The following ROBO1 variants were observed in gnomAD, a reference collection of about 807,000 sequenced individuals.
The protein encoded by ROBO1 is roundabout guidance receptor 1.
A neutral mutation model predicts 195.9 loss-of-function variants in ROBO1; 149 were observed. The ratio of observed to expected loss-of-function variants is 0.76; its 90% confidence interval spans 0.67 to 0.87. The LOEUF (loss-of-function observed/expected upper bound fraction) is 0.87. Ranked by LOEUF, ROBO1 falls within the 40% of genes least tolerant of loss-of-function variation. The pLI is 0.00. For synonymous variants in ROBO1, 816 were observed against 733.2 expected (o/e 1.11, Z -1.82); for missense variants, 1,933 against 2,068.3 (o/e 0.93, Z 1.27).
chr3:79,344,918 T>A (rs2035052717), intron 2 of ROBO1, among the ~76,000 whole-genome samples: 1 of 151,986 alleles, frequency 6.6e-6, no homozygotes, highest in Non-Finnish European at 1.5e-5. Flanking sequence ...TCCTGCACTC[T>A]CACTTTTCTC....
intron 2 of ROBO1, among the ~76,000 whole-genome samples, chr3:79,208,102 G>A (rs2081905039): frequency 6.6e-6 from 1 of 152,124 alleles, no homozygotes; most frequent in Admixed American, 6.6e-5. Flanking sequence ...GATCTTTCTG[G>A]AGTTTGAATA....
intron 4 of ROBO1, among the ~76,000 whole-genome samples, chr3:78,870,787 A>G (rs2035498653): frequency 6.6e-6 from 1 of 152,104 alleles, no homozygotes; most frequent in African/African-American, 2.4e-5. Flanking sequence ...AGCAAGAAAA[A>G]CCATTGAGCA....
At chr3:79,448,184 A>C (rs2039328193) in intron 2 of ROBO1, among the ~76,000 whole-genome samples, 1 of 152,244 alleles carries the variant, frequency 6.6e-6, no homozygotes, top group Admixed American at 6.5e-5. Context: ...ATGCAGGTTT[A>C]AAGTGGCAGG....
intron 2 of ROBO1, among the ~76,000 whole-genome samples, chr3:79,434,072 G>C (rs866251091): frequency 3.3e-4 from 51 of 152,256 alleles, no homozygotes; most frequent in African/African-American, 3.4e-4. Context: ...AATTCAAGAT[G>C]CATTAAAGAC....
chr3:78,618,163 C>T, intron 26 of ROBO1, 122 bp from the exon 27 acceptor site: 1 of 1,025,194 alleles, frequency 9.8e-7, no homozygotes, highest in Non-Finnish European at 1.4e-6. Flanking sequence ...CTCATATGTT[C>T]AGAAAAACAA....
chr3:79,657,225 A>G lies in ROBO1; in HGVS notation c.-50-67264T>C, dbSNP rs535272453. ...CTTCCCACAGAAAATAACCTTTGCC[A>G]AATACTAATATATACATACATAATC... On this transcript the variant is annotated intron_variant, in intron 1 of 30. Transcript: ENST00000464233. 1.3e-4 allele frequency among the ~76,000 whole-genome samples: 20 copies of G among 152,262 alleles called. No individual in the cohort carries two copies. In the East Asian group the frequency reaches 3.9e-3, roughly 29 times the overall value.
chr3:79,380,128 T>A (rs1208178538), intron 2 of ROBO1, among the ~76,000 whole-genome samples: 1 of 152,214 alleles, frequency 6.6e-6, no homozygotes, highest in Non-Finnish European at 1.5e-5. Flanking sequence ...ATGCATCATG[T>A]GATCTCCTTT....
intron 2 of ROBO1, among the ~76,000 whole-genome samples, chr3:79,386,014 C>T (rs1398409846): frequency 2.6e-5 from 4 of 151,936 alleles, no homozygotes; most frequent in Non-Finnish European, 5.9e-5. Flanking sequence ...GGGAAAATAA[C>T]GTAAAATTGT....
chr3:78,999,952 C>T (rs1205038608), intron 3 of ROBO1, among the ~76,000 whole-genome samples: 1 of 152,050 alleles, frequency 6.6e-6, no homozygotes, highest in Non-Finnish European at 1.5e-5. Context: ...GTACATTTTC[C>T]CTTCTTGCAC....
At chr3:79,633,264 CTT>C (rs1358174693) in intron 1 of ROBO1, among the ~76,000 whole-genome samples, 1 of 150,036 alleles carries the variant, frequency 6.7e-6, no homozygotes, top group Admixed American at 6.7e-5. Flanking sequence ...GTCTCAACCT[CTT>C]GGGCTCAGGC....
At chr3:79,568,313 G>A (rs2107735978) in intron 2 of ROBO1, among the ~76,000 whole-genome samples, 1 of 152,096 alleles carries the variant, frequency 6.6e-6, no homozygotes, top group East Asian at 1.9e-4. Context: ...AGGGGCAAAA[G>A]GAAAATTGAT....
intron 3 of ROBO1, among the ~76,000 whole-genome samples, chr3:78,982,690 G>A (rs1453523572): frequency 2.0e-5 from 3 of 151,906 alleles, no homozygotes; most frequent in African/African-American, 7.2e-5. Context: ...GTGTAGTGGC[G>A]TGATCTCGGC....
At position 78,606,644 on chromosome 3, in the gene ROBO1, C is replaced by A. The variant is rs1216155417; in HGVS notation, c.4744+89G>T. The A allele has an allele frequency of 3.0e-6, 4 of 1,335,214 alleles. No individual in the cohort carries two copies. In the African/African-American group the frequency reaches 5.8e-5, roughly 19 times the overall value. 82.7% of individuals were successfully genotyped at this position (1,335,214 alleles called of 1,614,324 possible). A position where few individuals can be genotyped will look rare whatever the true frequency, so the allele number is the denominator to read the frequency against. On this transcript the variant is annotated intron_variant, in intron 29 of 30. Transcript: ENST00000464233. Reference sequence around the variant, plus strand: ...CTGGAGAGCAAACTTCTTAATCTTACCACTTTTTACATGGCCATATAGAGC... The same window carrying A: ...CTGGAGAGCAAACTTCTTAATCTTAACACTTTTTACATGGCCATATAGAGC...
chr3:79,090,113 T>C (rs1023500376), intron 3 of ROBO1, among the ~76,000 whole-genome samples: 1 of 151,912 alleles, frequency 6.6e-6, no homozygotes, highest in African/African-American at 2.4e-5. Flanking sequence ...CTAATTTTTC[T>C]ATTTTCAGTA....
At chr3:78,617,393 A>G (rs1408684476) in intron 27 of ROBO1, among the ~76,000 whole-genome samples, 1 of 151,996 alleles carries the variant, frequency 6.6e-6, no homozygotes, top group East Asian at 1.9e-4. Context: ...TATCACTCAT[A>G]TTATGTAAGA....
At chr3:78,799,618 G>A (rs1307652071) in intron 4 of ROBO1, among the ~76,000 whole-genome samples, 1 of 152,144 alleles carries the variant, frequency 6.6e-6, no homozygotes, top group Non-Finnish European at 1.5e-5. Flanking sequence ...TGGGATTACA[G>A]GCGTGAGCCA....
chr3:78,852,931 G>A lies in ROBO1; in HGVS notation c.499+85670C>T, dbSNP rs191484135. 7.9e-5 allele frequency among the ~76,000 whole-genome samples: 12 copies of A among 152,240 alleles called. 1 individual carries two copies. In the East Asian group the frequency reaches 2.3e-3, roughly 29 times the overall value. On this transcript the variant is annotated intron_variant, in intron 4 of 30. Transcript: ENST00000464233. ...TCACGGTAGCCACTGAATGGGAATA[G>A]AATGGTTCATAGGTTTATGCATATA...
Position 79,435,005 on chromosome 3 carries a change from T to C in ROBO1, c.88+154819A>G, listed in dbSNP as rs537462465. Among the ~76,000 whole-genome samples the C allele has an allele frequency of 2.3e-3, 344 of 152,078 alleles. 2 individuals carry two copies. Among genetic ancestry groups the C allele is most frequent in the African/African-American group, 7.8e-3 (322 of 41,482 alleles). ...GCATGTTCTCACTCATAGGTGGGAATTGAACAATGAGAACACTTGGACACA... is the reference window on the plus strand; with the variant it reads ...GCATGTTCTCACTCATAGGTGGGAACTGAACAATGAGAACACTTGGACACA... On this transcript the variant is annotated intron_variant, in intron 2 of 30. Transcript: ENST00000464233.
intron 4 of ROBO1, among the ~76,000 whole-genome samples, chr3:78,802,832 T>G (rs1242280562): frequency 6.6e-6 from 1 of 152,038 alleles, no homozygotes; most frequent in Non-Finnish European, 1.5e-5. Context: ...AGTTATAATG[T>G]CTCTATAAGT....
Sources: allele counts gnomAD v4.1 joint callset (sites outside exome capture counted in the v4.1 genomes callset), GRCh38; gene constraint gnomAD v4.1.1; transcripts MANE v1.5; gene names NCBI Gene and HGNC (gene_info 2026-07-23, HGNC 2026-07-21).